Variants in TBCK observed in about 807,000 individuals in gnomAD.
TBCK encodes TBC1 domain containing kinase, also known as TBC domain-containing protein kinase-like protein.
In TBCK, 99 loss-of-function variants were observed where a neutral mutation model predicts 113.4. The observed-to-expected ratio is 0.87, with a 90% CI of 0.74 to 1.03. The LOEUF (loss-of-function observed/expected upper bound fraction) is 1.03. TBCK is among the 50% of genes least tolerant of loss of function. TBCK has a pLI of 0.00. For missense variants in TBCK, 1,045 were observed against 1,061.3 expected (o/e 0.98, Z 0.21); for synonymous variants, 369 against 370.8 (o/e 1.00, Z 0.05).
At chr4:106,306,887 C>G (rs1767584604) in intron 2 of TBCK, among the ~76,000 whole-genome samples, 1 of 152,132 alleles carries the variant, frequency 6.6e-6, no homozygotes, top group Admixed American at 6.5e-5. Flanking sequence ...CAACCTTGAA[C>G]AGTAAAAGAA....
intron 22 of TBCK, among the ~76,000 whole-genome samples, chr4:106,178,575 T>C (rs898984246): frequency 3.9e-5 from 6 of 152,018 alleles, no homozygotes; most frequent in Non-Finnish European, 8.8e-5. Context: ...GAAAGAATCA[T>C]ATGGGTTTTG....
chr4:106,247,168 A>T lies in TBCK; in HGVS notation c.902T>A (p.Leu301Gln), dbSNP rs1760911813. The change falls in exon 10 of 26, where the codon CTG becomes CAG. Residue 301 changes from leucine (L) to glutamine (Q), a missense_variant. Transcript: ENST00000394708. ...SSSLRCADLT[L>Q]PEDISQLCKD... ...ACACAACTGACTGATATCCTCAGGC[A>T]GAGTTAAATCAGCACATCTCAGAGA... 3.1e-6 allele frequency: 5 copies of T among 1,613,466 alleles called. No homozygotes were observed. Among genetic ancestry groups the T allele is most frequent in the Non-Finnish European group, 4.2e-6 (5 of 1,179,658 alleles).
chr4:106,252,755 A>G (rs1479010256), intron 5 of TBCK, among the ~76,000 whole-genome samples: 1 of 152,122 alleles, frequency 6.6e-6, no homozygotes, highest in Non-Finnish European at 1.5e-5. Context: ...ATGCATATAA[A>G]TGACAGATAT....
chr4:106,260,596 A>G (rs1579430393), intron 4 of TBCK, 86 bp from the exon 5 acceptor site: 1 of 440,866 alleles, frequency 2.3e-6, no homozygotes, highest in East Asian at 3.9e-5. Flanking sequence ...ATCATTATAC[A>G]TTTTATAACT....
intron 23 of TBCK, among the ~76,000 whole-genome samples, chr4:106,166,246 T>C (rs1750359440): frequency 6.6e-6 from 1 of 151,712 alleles, no homozygotes; most frequent in African/African-American, 2.4e-5. Flanking sequence ...AAATATTTTA[T>C]GTACAGAATT....
intron 25 of TBCK, among the ~76,000 whole-genome samples, chr4:106,073,463 T>G (rs1194854677): frequency 6.6e-6 from 1 of 152,236 alleles, no homozygotes; most frequent in African/African-American, 2.4e-5. Context: ...CAGCAAATAC[T>G]GCTGCCTGAT....
intron 3 of TBCK, among the ~76,000 whole-genome samples, chr4:106,280,874 T>G (rs1050820988): frequency 6.6e-6 from 1 of 152,180 alleles, no homozygotes; most frequent in African/African-American, 2.4e-5. Flanking sequence ...TCCAGTTTCA[T>G]TCTTTTTGCT....
chr4:106,142,306 A>G (rs915993801), intron 23 of TBCK, among the ~76,000 whole-genome samples: 4 of 152,198 alleles, frequency 2.6e-5, no homozygotes, highest in Non-Finnish European at 4.4e-5. Context: ...ATGAAACAAC[A>G]TTTAGCAGTA....
At position 106,126,701 on chromosome 4, in the gene TBCK, A is replaced by G. The variant is rs184770921; in HGVS notation, c.2236-10323T>C. ...TAAATGATTCTGCAGAGCAGAATCA[A>G]TTCTTATGTCTGGATTATCAGACAA... On this transcript the variant is annotated intron_variant, in intron 23 of 25. Coordinates refer to ENST00000394708, the MANE Select transcript of TBCK (RefSeq NM_001163435.3). Among the ~76,000 whole-genome samples, 89 of 152,338 alleles carry G rather than the reference A, an allele frequency of 5.8e-4. 3 individuals are homozygous for G. The highest frequency in any genetic ancestry group is 1.7e-3 in the Admixed American group (26 of 15,312).
intron 25 of TBCK, among the ~76,000 whole-genome samples, chr4:106,066,193 A>G (rs906757586): frequency 4.6e-5 from 7 of 152,046 alleles, no homozygotes; most frequent in Non-Finnish European, 8.8e-5. Context: ...TATCCAATAC[A>G]TCTGGTCACT....
At chr4:106,258,380 G>A (rs991031538) in intron 5 of TBCK, among the ~76,000 whole-genome samples, 4 of 151,970 alleles carry the variant, frequency 2.6e-5, no homozygotes, top group African/African-American at 9.7e-5. Context: ...TTTGTCTTTT[G>A]AATCAACTGC....
chr4:106,241,288 G>A (rs959063871), intron 12 of TBCK, among the ~76,000 whole-genome samples: 2 of 151,674 alleles, frequency 1.3e-5, no homozygotes, highest in Non-Finnish European at 2.9e-5. Context: ...GCATGTTCAA[G>A]AAATAAAACC....
At chr4:106,168,704 GAATTTGAAATAAAAAAT>G (rs1299947866) in intron 23 of TBCK, among the ~76,000 whole-genome samples, 1 of 151,682 alleles carries the variant, frequency 6.6e-6, no homozygotes, top group Non-Finnish European at 1.5e-5. Context: ...TGTACAAATG[GAATTTGAAATAAAAAAT>G]AATACCACTT....
chr4:106,247,929 A>G (rs1761014421), intron 9 of TBCK: 1 of 190,950 alleles, frequency 5.2e-6, no homozygotes, highest in East Asian at 1.2e-4. Flanking sequence ...TTTTATTCTC[A>G]TTTCACTGAT....
chr4:106,130,793 T>C (rs1745808054), intron 23 of TBCK, among the ~76,000 whole-genome samples: 1 of 152,188 alleles, frequency 6.6e-6, no homozygotes, highest in African/African-American at 2.4e-5. Context: ...ATTATTAAAC[T>C]CTCTTAAATA....
intron 23 of TBCK, among the ~76,000 whole-genome samples, chr4:106,167,262 G>A (rs1376209988): frequency 6.7e-6 from 1 of 149,082 alleles, no homozygotes; most frequent in Non-Finnish European, 1.5e-5. Flanking sequence ...ATTAGTCTTA[G>A]AGAATCAATA....
chr4:106,082,752 G>A (rs1739033020), intron 25 of TBCK, among the ~76,000 whole-genome samples: 1 of 152,118 alleles, frequency 6.6e-6, no homozygotes, highest in South Asian at 2.1e-4. Context: ...ATCCTTCACT[G>A]GCAACCAAGG....
intron 3 of TBCK, among the ~76,000 whole-genome samples, chr4:106,268,253 T>C (rs992833111): frequency 2.6e-5 from 4 of 152,064 alleles, no homozygotes; most frequent in African/African-American, 9.7e-5. Context: ...TCCCTTGTGG[T>C]AGAATTGAAC....
chr4:106,090,488 C>T (rs72962593), intron 25 of TBCK, among the ~76,000 whole-genome samples: 4,238 of 152,230 alleles, frequency 0.028, 190 homozygotes, highest in African/African-American at 0.096. Flanking sequence ...CTTTTAGTCA[C>T]GCTAATCTCT....
Sources: gnomAD v4.1 joint callset for allele counts (sites outside exome capture counted in the v4.1 genomes callset) on GRCh38, gnomAD v4.1.1 for gene constraint, MANE v1.5 for transcripts, NCBI Gene and HGNC (gene_info 2026-07-23, HGNC 2026-07-21) for gene names.